WARS2: variants seen among roughly 807,000 people sequenced by gnomAD.
The protein encoded by WARS2 is tryptophan--tRNA ligase, mitochondrial.
In WARS2, 28 loss-of-function variants were observed where a neutral mutation model predicts 36.5. That is an observed-to-expected ratio of 0.77 (90% CI 0.57 to 1.05). The LOEUF is 1.05. Ranked by LOEUF, WARS2 falls within the 50% of genes least tolerant of loss-of-function variation. The pLI is 0.00. For synonymous variants in WARS2, 174 were observed against 178.4 expected, an observed-to-expected ratio of 0.98 and a Z score of 0.20; for missense variants, 435 against 456.8, an observed-to-expected ratio of 0.95 and a Z score of 0.44.
chr1:119,126,706 C>T (rs1051045587), intron 1 of WARS2: 1 of 730,038 alleles, frequency 1.4e-6, no homozygotes, highest in African/African-American at 1.7e-5. Flanking sequence ...CTAACGAAGA[C>T]ATCACAGAGA....
intron 1 of WARS2, among the ~76,000 whole-genome samples, chr1:119,135,747 T>TAGAG (rs67002367): frequency 0.056 from 6,495 of 115,760 alleles, 162 homozygotes; most frequent in Middle Eastern, 0.08. Flanking sequence ...GATAGATAGA[T>TAGAG]AGATAGAGAG....
At chr1:119,035,614 C>T (rs1220273817) in intron 4 of WARS2, among the ~76,000 whole-genome samples, 1 of 152,120 alleles carries the variant, frequency 6.6e-6, no homozygotes. Context: ...GAGGGGTACA[C>T]TGACTTTTTT....
intron 2 of WARS2, among the ~76,000 whole-genome samples, chr1:119,068,038 T>C (rs1026133061): frequency 5.3e-5 from 8 of 152,172 alleles, no homozygotes; most frequent in Non-Finnish European, 1.0e-4. Flanking sequence ...CCAAACTTAT[T>C]ATTTATGCCA....
intron 2 of WARS2, among the ~76,000 whole-genome samples, chr1:119,051,762 AT>A (rs527937756): frequency 0.027 from 3,087 of 114,214 alleles, 19 homozygotes; most frequent in South Asian, 0.042. Flanking sequence ...TCTCGCTGTA[AT>A]TTTTTTTTTT....
intron 1 of WARS2, among the ~76,000 whole-genome samples, chr1:119,094,895 G>C (rs1210880761): frequency 6.6e-6 from 1 of 152,040 alleles, no homozygotes; most frequent in East Asian, 1.9e-4. Flanking sequence ...AAAAAAGAGA[G>C]AAAAATTCAA....
At chr1:119,117,116 C>T (rs905666553) in intron 1 of WARS2, among the ~76,000 whole-genome samples, 1 of 152,172 alleles carries the variant, frequency 6.6e-6, no homozygotes, top group African/African-American at 2.4e-5. Context: ...AATGGCCTTG[C>T]TGGCTGCATG....
intron 1 of WARS2, among the ~76,000 whole-genome samples, chr1:119,109,784 C>T (rs942605103): frequency 6.6e-6 from 1 of 151,726 alleles, no homozygotes; most frequent in African/African-American, 2.4e-5. Context: ...TTTTGTCTTC[C>T]ACACTTTTCT....
chr1:119,136,713 C>T (rs754773610), intron 1 of WARS2, among the ~76,000 whole-genome samples: 5 of 152,178 alleles, frequency 3.3e-5, no homozygotes, highest in African/African-American at 1.2e-4. Flanking sequence ...ATTAACATTC[C>T]AGAAACCTAC....
chr1:119,055,766 G>A (rs905535293), intron 2 of WARS2, among the ~76,000 whole-genome samples: 1 of 151,574 alleles, frequency 6.6e-6, no homozygotes, highest in East Asian at 1.9e-4. Flanking sequence ...AGGAAGGAAA[G>A]AAAGAATATC....
chr1:119,038,839 C>T (rs922063825), intron 4 of WARS2, among the ~76,000 whole-genome samples: 5 of 152,068 alleles, frequency 3.3e-5, no homozygotes, highest in African/African-American at 1.2e-4. Context: ...CACCACCACG[C>T]CCGGCTAATT....
intron 1 of WARS2, among the ~76,000 whole-genome samples, chr1:119,117,526 C>T (rs1340732668): frequency 1.3e-5 from 2 of 152,234 alleles, no homozygotes; most frequent in Non-Finnish European, 2.9e-5. Context: ...AATAGCAGAA[C>T]AACCCTGCTC....
Position 119,032,770 on chromosome 1 carries a change from T to C in WARS2, c.*141A>G, listed in dbSNP as rs1300555629. On this transcript the variant is annotated 3_prime_UTR_variant, in exon 6 of 6. Coordinates refer to ENST00000235521, the MANE Select transcript of WARS2 (RefSeq NM_015836.4). ...GTCGTATTTCAAAGCTACAAAGCAA[T>C]ATTCATCAAATAAAGCCAATAATCA... is the stretch of plus-strand genomic sequence containing the variant. 1.4e-5 allele frequency: 11 copies of C among 774,550 alleles called. No homozygotes were observed. The highest frequency in any genetic ancestry group is 2.2e-5 in the Non-Finnish European group (11 of 493,228). The allele number at this position is 774,550 out of a possible 1,614,324, so 48.0% of individuals were successfully genotyped here.
chr1:119,045,738 T>C, intron 2 of WARS2, 76 bp from the exon 3 acceptor site: 1 of 1,182,802 alleles, frequency 8.5e-7, no homozygotes, highest in Admixed American at 2.0e-5. Flanking sequence ...GTAGTAAGTA[T>C]TACCCTAAAT....
At chr1:119,084,482 G>A (rs1652468737) in intron 1 of WARS2, among the ~76,000 whole-genome samples, 2 of 151,956 alleles carry the variant, frequency 1.3e-5, no homozygotes, top group Non-Finnish European at 2.9e-5. Context: ...TACGTTGCAA[G>A]GAAAAAACTT....
Position 119,033,306 on chromosome 1 carries a change from ATTTCGACAT to A in WARS2, c.679_687del (p.Met227_Lys229del). On this transcript the variant is annotated inframe_deletion, in exon 6 of 6. Coordinates refer to ENST00000235521, the MANE Select transcript of WARS2 (RefSeq NM_015836.4). ...ACGGTGGCCAGTTTGTCAGGGTCTG[ATTTCGACAT>A]TTTGGCAGAAGGATCACGTAGGGAT... 2.5e-6 allele frequency: 4 copies of A among 1,614,196 alleles called. No individual in the cohort carries two copies. The highest frequency in any genetic ancestry group is 3.4e-6 in the Non-Finnish European group (4 of 1,180,028).
chr1:119,032,894 T>C lies in WARS2; in HGVS notation c.*17A>G. ...AGTGCAAGGCACAAAAGCCTTGCTG[T>C]GATTCGTTGAAACTTCCTATAGAAA... On this transcript the variant is annotated 3_prime_UTR_variant, in exon 6 of 6. Coordinates refer to ENST00000235521, the MANE Select transcript of WARS2 (RefSeq NM_015836.4). 1 of 1,599,438 alleles carries C rather than the reference T, an allele frequency of 6.3e-7. No homozygotes were observed. The highest frequency in any genetic ancestry group is 8.5e-7 in the Non-Finnish European group (1 of 1,171,012).
chr1:119,140,628 A>C lies in WARS2; in HGVS notation c.17T>G (p.Met6Arg). 1 of 1,613,758 alleles carries C rather than the reference A, an allele frequency of 6.2e-7. No individual in the cohort carries two copies. The highest frequency in any genetic ancestry group is 1.1e-5 in the South Asian group (1 of 91,014). Residue 6 changes from methionine (M) to arginine (R), a missense_variant, in exon 1 of 6, where the codon ATG becomes AGG. Coordinates refer to ENST00000235521, the MANE Select transcript of WARS2 (RefSeq NM_015836.4). MALHS[M>R]RKARERWSFI... is the part of the protein sequence containing the mutation. Reference sequence around the variant, plus strand: ...GCTCCAGCGCTCACGCGCTTTCCGCATTGAGTGCAGCGCCATCTTGAGAAG... The same window carrying C: ...GCTCCAGCGCTCACGCGCTTTCCGCCTTGAGTGCAGCGCCATCTTGAGAAG...
At chr1:119,040,197 T>C (rs1012949987) in intron 4 of WARS2, among the ~76,000 whole-genome samples, 2 of 152,206 alleles carry the variant, frequency 1.3e-5, no homozygotes, top group Admixed American at 6.5e-5. Flanking sequence ...TGTAGACCCA[T>C]AGTCTTGCCC....
intron 1 of WARS2, among the ~76,000 whole-genome samples, chr1:119,128,731 G>A (rs1215632507): frequency 2.6e-5 from 4 of 151,944 alleles, no homozygotes; most frequent in Non-Finnish European, 5.9e-5. Flanking sequence ...CACCCCTCTC[G>A]TTCCCCATTC....
Sources: gnomAD v4.1 joint callset for allele counts (sites outside exome capture counted in the v4.1 genomes callset) on GRCh38, gnomAD v4.1.1 for gene constraint, MANE v1.5 for transcripts, NCBI Gene and HGNC (gene_info 2026-07-23, HGNC 2026-07-21) for gene names.